ABCC11: variants seen among roughly 807,000 people sequenced by gnomAD.
ABCC11 encodes the protein ATP binding cassette subfamily C member 11, also known as ATP-binding cassette sub-family C member 11.
A neutral mutation model predicts 149.3 loss-of-function variants in ABCC11; 135 were observed. That is an observed-to-expected ratio of 0.90 (90% CI 0.79 to 1.04). The LOEUF (loss-of-function observed/expected upper bound fraction) is 1.04. Ranked by LOEUF, ABCC11 falls within the 50% of genes least tolerant of loss-of-function variation. ABCC11 has a pLI of 0.00. For synonymous variants in ABCC11, 665 were observed against 671.4 expected, an observed-to-expected ratio of 0.99 and a Z score of 0.15; for missense variants, 1,680 against 1,722.1, an observed-to-expected ratio of 0.98 and a Z score of 0.43.
intron 9 of ABCC11, among the ~76,000 whole-genome samples, chr16:48,214,183 G>A (rs1022454311): frequency 4.0e-5 from 6 of 151,868 alleles, no homozygotes; most frequent in East Asian, 3.9e-4. Context: ...GAATGCCTTC[G>A]TCTAGACCTG....
At chr16:48,178,219 A>G (rs1966208321) in intron 24 of ABCC11, among the ~76,000 whole-genome samples, 1 of 152,252 alleles carries the variant, frequency 6.6e-6, no homozygotes, top group African/African-American at 2.4e-5. Flanking sequence ...GGTAAAGCTT[A>G]GACTTGAACC....
At chr16:48,175,644 A>G (rs1966013566) in intron 25 of ABCC11, among the ~76,000 whole-genome samples, 1 of 152,220 alleles carries the variant, frequency 6.6e-6, no homozygotes. Context: ...GGGCCCCTGG[A>G]TCAAAGCCAG....
downstream of ABCC11, among the ~76,000 whole-genome samples, chr16:48,165,311 A>G (rs1965296650): frequency 6.6e-6 from 1 of 152,222 alleles, no homozygotes; most frequent in Non-Finnish European, 1.5e-5. Flanking sequence ...TAACAGAGCA[A>G]AGGTTTTTTA....
intron 14 of ABCC11, among the ~76,000 whole-genome samples, chr16:48,202,506 G>T (rs1276092379): frequency 6.6e-6 from 1 of 152,014 alleles, no homozygotes; most frequent in East Asian, 1.9e-4. Flanking sequence ...AGCTACTCAG[G>T]AGGCTGAGGT....
chr16:48,177,812 C>T (rs1966185082), intron 24 of ABCC11, among the ~76,000 whole-genome samples: 1 of 152,202 alleles, frequency 6.6e-6, no homozygotes, highest in Non-Finnish European at 1.5e-5. Flanking sequence ...ATAAATTCCA[C>T]TCATGCAAGG....
intron 19 of ABCC11, among the ~76,000 whole-genome samples, 168 bp downstream of exon 19, chr16:48,193,711 G>C (rs891110547): frequency 6.6e-6 from 1 of 152,160 alleles, no homozygotes; most frequent in Non-Finnish European, 1.5e-5. Context: ...CCTGTGCCAG[G>C]GGAACCCCAG....
At chr16:48,203,377 G>T in intron 13 of ABCC11, 77 bp from the exon 14 acceptor site, 1 of 1,349,970 alleles carries the variant, frequency 7.4e-7, no homozygotes, top group South Asian at 1.3e-5. Flanking sequence ...CGAGAGGAAT[G>T]GTCTTGATTT....
intron 19 of ABCC11, 49 bp downstream of exon 19, chr16:48,193,830 C>T (rs1000994809): frequency 6.7e-6 from 10 of 1,491,188 alleles, no homozygotes; most frequent in African/African-American, 2.8e-5. Flanking sequence ...AGTCACCCCA[C>T]CTCACTCAAG....
Position 48,167,581 on chromosome 16 carries a change from A to G in ABCC11, c.3971T>C (p.Phe1324Ser), listed in dbSNP as rs200426119. The G allele has an allele frequency of 1.9e-6, 3 of 1,614,126 alleles. No individual in the cohort carries two copies. In the Admixed American group the frequency reaches 5.0e-5, roughly 27 times the overall value. The change falls in exon 29 of 30, where the codon TTC becomes TCC. Residue 1324 changes from phenylalanine (F) to serine (S), a missense_variant. Physicochemically the swap from Phe to Ser is radical, Grantham distance 155. Transcript: ENST00000356608. ...AATGACGAGCACGGTGCAGCCCTGG[A>G]AGGCTTCACGGATTGTGCGCTGGAT... Reference protein sequence around the residue: ...TLIQRTIREAFQGCTVLVIAH... With the variant: ...TLIQRTIREASQGCTVLVIAH...
intron 18 of ABCC11, among the ~76,000 whole-genome samples, chr16:48,194,310 C>A (rs1967192172): frequency 6.6e-6 from 1 of 152,134 alleles, no homozygotes; most frequent in East Asian, 1.9e-4. Context: ...GTGAAGCACT[C>A]AGCCCAGTGC....
intron 18 of ABCC11, 149 bp downstream of exon 18, chr16:48,196,083 G>C (rs1360794487): frequency 1.6e-6 from 1 of 641,270 alleles, no homozygotes; most frequent in East Asian, 2.8e-5. Context: ...CTATAACTGA[G>C]TAGAGTTTGG....
At chr16:48,211,813 A>G (rs1360289495) in intron 10 of ABCC11, among the ~76,000 whole-genome samples, 1 of 152,234 alleles carries the variant, frequency 6.6e-6, no homozygotes, top group East Asian at 1.9e-4. Context: ...CTGCATCTCC[A>G]GCTCCCTGTC....
In ABCC11 at chr16:48,184,434, C is replaced by G; in HGVS notation, c.3258+6G>C. 2 of 1,613,082 alleles carry G rather than the reference C, an allele frequency of 1.2e-6. No homozygotes were observed. Among genetic ancestry groups the G allele is most frequent in the Non-Finnish European group, 1.7e-6 (2 of 1,179,434 alleles). ...AGAGAGGGCCCACACAGAGTCACCC[C>G]CTCACCTGCAGCACGATGTTGACAG... On this transcript the variant is annotated splice_donor_region_variant and intron_variant, in intron 23 of 29. Transcript: ENST00000356608.
rs1965335587 is a variant in ABCC11, at chr16:48,166,305, G to A, written c.*969C>T. Among the ~76,000 whole-genome samples the A allele has an allele frequency of 1.3e-5, 2 of 152,188 alleles. No homozygotes were observed. The highest frequency in any genetic ancestry group is 2.9e-5 in the Non-Finnish European group (2 of 68,042). On this transcript the variant is annotated 3_prime_UTR_variant, in exon 30 of 30. Coordinates refer to ENST00000356608, the MANE Select transcript of ABCC11 (RefSeq NM_001370497.1). Reference sequence around the variant, plus strand: ...GAATCATTGAGGCAAGAAGACCTGGGGGGTGCAGAGTGTGTAGGACGTGAA... The same window carrying A: ...GAATCATTGAGGCAAGAAGACCTGGAGGGTGCAGAGTGTGTAGGACGTGAA...
intron 1 of ABCC11, among the ~76,000 whole-genome samples, chr16:48,243,992 A>AGAATAAATAAATAAAT (rs1971168186): frequency 8.1e-6 from 1 of 123,522 alleles, no homozygotes; most frequent in Non-Finnish European, 1.7e-5. Context: ...AATCTGTCTC[A>AGAATAAATAAATAAAT]GAATAAATAA....
chr16:48,202,786 A>G (rs1223798396), intron 14 of ABCC11, among the ~76,000 whole-genome samples: 1 of 152,196 alleles, frequency 6.6e-6, no homozygotes, highest in Non-Finnish European at 1.5e-5. Context: ...CAAGAAGGCA[A>G]TGCCACTTTT....
intron 4 of ABCC11, among the ~76,000 whole-genome samples, chr16:48,225,537 C>T (rs1446004611): frequency 6.6e-6 from 1 of 152,152 alleles, no homozygotes; most frequent in Non-Finnish European, 1.5e-5. Context: ...ATTGTTGATC[C>T]CTTGTGCTTC....
At chr16:48,195,977 T>C (rs1967367722) in intron 18 of ABCC11, among the ~76,000 whole-genome samples, 1 of 152,194 alleles carries the variant, frequency 6.6e-6, no homozygotes, top group Admixed American at 6.5e-5. Context: ...CTATTCTATT[T>C]TTTTTAATTT....
intron 26 of ABCC11, among the ~76,000 whole-genome samples, chr16:48,173,873 C>T (rs1965870438): frequency 2.0e-5 from 3 of 152,220 alleles, no homozygotes; most frequent in Non-Finnish European, 2.9e-5. Flanking sequence ...GATCTCCCTG[C>T]CTTGGCCTCC....
Sources: allele counts gnomAD v4.1 joint callset (sites outside exome capture counted in the v4.1 genomes callset), GRCh38; gene constraint gnomAD v4.1.1; transcripts MANE v1.5; gene names NCBI Gene and HGNC (gene_info 2026-07-23, HGNC 2026-07-21).